The following RENBP variants were observed in gnomAD, a reference collection of about 807,000 sequenced individuals.
The protein encoded by RENBP is N-acylglucosamine 2-epimerase.
In RENBP, 16 loss-of-function variants were observed where a neutral mutation model predicts 37.8. The ratio of observed to expected loss-of-function variants is 0.42; its 90% confidence interval spans 0.29 to 0.64. The LOEUF (loss-of-function observed/expected upper bound fraction) is 0.64. RENBP is among the 30% of genes least tolerant of loss of function. RENBP has a pLI of 0.19. For synonymous variants in RENBP, 170 were observed against 154.8 expected, an observed-to-expected ratio of 1.10 and a Z score of -0.73; for missense variants, 347 against 379.5, an observed-to-expected ratio of 0.91 and a Z score of 0.71.
chrX:153,940,610 T>G (rs2065221852), intron 8 of RENBP, among the ~76,000 whole-genome samples: 1 of 111,096 alleles, frequency 9.0e-6, no homozygotes, highest in South Asian at 3.8e-4. Flanking sequence ...GGATGAGATA[T>G]GAGGTCGGCA....
At position 153,942,782 on chromosome X, in the gene RENBP, G is replaced by A. The variant is rs1470723919; in HGVS notation, c.687+73C>T. ...GAATCTCTGTCTCTCCAGGTGTGTCGAGCCCCAGGGTGCCCAGGGGAGTGG... is the reference window on the plus strand; with the variant it reads ...GAATCTCTGTCTCTCCAGGTGTGTCAAGCCCCAGGGTGCCCAGGGGAGTGG... On this transcript the variant is annotated intron_variant, in intron 6 of 10. Coordinates refer to ENST00000393700, the MANE Select transcript of RENBP (RefSeq NM_002910.6). 1.8e-5 allele frequency: 16 copies of A among 870,686 alleles called. No homozygotes were observed. In the Admixed American group the frequency reaches 2.5e-4, roughly 14 times the overall value. 71.8% of individuals were successfully genotyped at this position (870,686 alleles called of 1,213,427 possible).
chrX:153,936,421 G>T (rs1557108562), intron 9 of RENBP, among the ~76,000 whole-genome samples: 1 of 105,233 alleles, frequency 9.5e-6, no homozygotes, highest in African/African-American at 3.5e-5. Context: ...CAGGAGAATG[G>T]CGTGAACCCG....
chrX:153,941,949 C>CCA lies in RENBP; in HGVS notation c.769_769+1insTG (p.Gly257ValfsTer27). The stretch of plus-strand genomic sequence containing the variant: ...GGCCCCCAGCCCACCCCGCCCCTCA[C>CCA]CTGGGTTCTGCTGTCTCCCCAGGCA... On this transcript the variant is annotated frameshift_variant and splice_region_variant. Coordinates refer to ENST00000393700, the MANE Select transcript of RENBP (RefSeq NM_002910.6). LOFTEE classifies it high-confidence loss of function. The CCA allele has an allele frequency of 9.1e-7, 1 of 1,101,353 alleles. No homozygotes were observed. The highest frequency in any genetic ancestry group is 1.3e-6 in the Non-Finnish European group (1 of 796,790). 90.8% of individuals were successfully genotyped at this position (1,101,353 alleles called of 1,213,427 possible). A position where few individuals can be genotyped will look rare whatever the true frequency, so the allele number is the denominator to read the frequency against.
intron 5 of RENBP, among the ~76,000 whole-genome samples, 176 bp downstream of exon 5, chrX:153,943,370 G>A (rs1217577542): frequency 8.9e-6 from 1 of 112,651 alleles, no homozygotes; most frequent in Non-Finnish European, 1.9e-5. Context: ...GGCAGGGCGT[G>A]GATAGGGCCC....
chrX:153,944,251 G>T, intron 2 of RENBP, 58 bp downstream of exon 2: 1 of 1,164,694 alleles, frequency 8.6e-7, no homozygotes, highest in Non-Finnish European at 1.2e-6. Flanking sequence ...CTGAGAGTGA[G>T]AAGGGGCCTC....
chrX:153,942,544 A>T, intron 6 of RENBP: 1 of 329,047 alleles, frequency 3.0e-6, no homozygotes, highest in Non-Finnish European at 5.3e-6. Flanking sequence ...GCCCGGGCCT[A>T]GGAAGATGTA....
chrX:153,936,646 A>G (rs1259940516), intron 9 of RENBP, among the ~76,000 whole-genome samples: 1 of 110,882 alleles, frequency 9.0e-6, no homozygotes, highest in African/African-American at 3.3e-5. Context: ...TAGATGCACA[A>G]TCTCATCTGA....
intron 7 of RENBP, 64 bp downstream of exon 7, chrX:153,941,886 C>G (rs2065228124): frequency 3.0e-6 from 3 of 1,007,158 alleles, no homozygotes; most frequent in Non-Finnish European, 4.2e-6. Context: ...ATATCTGAAG[C>G]CCAGAACACA....
rs1434464499 is a variant in RENBP at position 153,944,232 on chromosome X, G to A, written c.137+77C>T. 5.1e-6 allele frequency: 6 copies of A among 1,172,341 alleles called. No individual in the cohort carries two copies. The Admixed American group carries it at 1.1e-4, about 21-fold the overall frequency. Reference sequence around the variant, plus strand: ...CTGCCCCTCTGGGGCCAGCAAATCTGTGAGGTGCCTGAGAGTGAGAAGGGG... The same window carrying A: ...CTGCCCCTCTGGGGCCAGCAAATCTATGAGGTGCCTGAGAGTGAGAAGGGG... On this transcript the variant is annotated intron_variant, in intron 2 of 10. Transcript: ENST00000393700.
intron 9 of RENBP, among the ~76,000 whole-genome samples, chrX:153,938,940 C>G (rs1320005282): frequency 1.9e-5 from 2 of 107,421 alleles, no homozygotes; most frequent in Non-Finnish European, 3.9e-5. Context: ...ATTACAGGCA[C>G]CCACCACCAC....
In RENBP at chrX:153,938,012, T is replaced by C. The variant is rs782085965; in HGVS notation, c.1077+2090A>G. On this transcript the variant is annotated intron_variant, in intron 9 of 10. Coordinates refer to ENST00000393700, the MANE Select transcript of RENBP (RefSeq NM_002910.6). Reference sequence around the variant, plus strand: ...TCCCAAAGTGCTGAGATTACAGGCATGAGCCACCATGCCCAGCCGATTTAC... The same window carrying C: ...TCCCAAAGTGCTGAGATTACAGGCACGAGCCACCATGCCCAGCCGATTTAC... Among the ~76,000 whole-genome samples, 3 of 112,930 alleles carry C rather than the reference T, an allele frequency of 2.7e-5. No homozygotes were observed. The South Asian group carries it at 1.1e-3, about 41-fold the overall frequency.
chrX:153,944,302 C>T lies in RENBP; in HGVS notation c.137+7G>A, dbSNP rs1181130436. The T allele has an allele frequency of 6.6e-6, 8 of 1,203,638 alleles. No homozygotes were observed. The South Asian group carries it at 8.8e-5, about 13-fold the overall frequency. ...CCTGCTGAGGACTCCAGAAGCACGCCGAGTACCCGTGCTCCTGGTCGTGGG... is the reference window on the plus strand; with the variant it reads ...CCTGCTGAGGACTCCAGAAGCACGCTGAGTACCCGTGCTCCTGGTCGTGGG... On this transcript the variant is annotated splice_region_variant and intron_variant, in intron 2 of 10. Transcript: ENST00000393700.
intron 8 of RENBP, among the ~76,000 whole-genome samples, chrX:153,941,074 G>T (rs1366587318): frequency 4.0e-5 from 4 of 100,521 alleles, no homozygotes; most frequent in Non-Finnish European, 6.0e-5. Context: ...GGGAAGCAGA[G>T]GTTGTGGTGA....
chrX:153,936,438 G>A (rs1252829631), intron 9 of RENBP, among the ~76,000 whole-genome samples: 2 of 104,015 alleles, frequency 1.9e-5, no homozygotes, highest in Non-Finnish European at 3.9e-5. Flanking sequence ...CCCGGGAGGC[G>A]GAGCTTGCAG....
In RENBP at chrX:153,941,930, C is replaced by CA; in HGVS notation, c.769+19dup. The stretch of plus-strand genomic sequence containing the variant: ...CGCTCCCCTCCTCCTGGGTGGCCCC[C>CA]AGCCCACCCCGCCCCTCACCTGGGT... On this transcript the variant is annotated intron_variant, in intron 7 of 10. Transcript: ENST00000393700. 1 of 781,596 alleles carries CA rather than the reference C, an allele frequency of 1.3e-6. No individual in the cohort carries two copies. Among genetic ancestry groups the CA allele is most frequent in the Non-Finnish European group, 2.0e-6 (1 of 507,293 alleles). The allele number at this position is 781,596 out of a possible 1,213,427, so 64.4% of individuals were successfully genotyped here. A position where few individuals can be genotyped will look rare whatever the true frequency, so the allele number is the denominator to read the frequency against.
rs1557109862 is a variant in RENBP, at chrX:153,942,980, G to A, written c.562C>T (p.Pro188Ser). 1.7e-6 allele frequency: 2 copies of A among 1,209,558 alleles called. No individual in the cohort carries two copies. The highest frequency in any genetic ancestry group is 3.5e-5 in the South Asian group (2 of 56,961). The stretch of plus-strand genomic sequence containing the variant: ...AGTAGCATCATGGGCACCGCCATGG[G>A]CTCCGCAGCCGGGGCCCCCTGGAGC... ...PQLQGAPAAE[P>S]MAVPMMLLNL... The change falls in exon 6 of 11, where the codon CCC (proline) becomes TCC (serine). Residue 188 changes from proline (P) to serine (S), a missense_variant. Transcript: ENST00000393700.
chrX:153,937,376 T>C (rs2148539351), intron 9 of RENBP, among the ~76,000 whole-genome samples: 1 of 111,491 alleles, frequency 9.0e-6, no homozygotes, highest in Admixed American at 9.5e-5. Context: ...TTGCCTTCTG[T>C]ATTCTGTTAT....
intron 6 of RENBP, chrX:153,942,239 T>TG (rs2065230446): frequency 1.1e-5 from 3 of 264,664 alleles, no homozygotes; most frequent in Non-Finnish European, 1.8e-5. Context: ...TGTTTTTTTT[T>TG]TTTTTTTTTT....
intron 9 of RENBP, 25 bp downstream of exon 9, chrX:153,940,077 G>GA: frequency 8.3e-7 from 1 of 1,208,987 alleles, no homozygotes; most frequent in Non-Finnish European, 1.1e-6. Flanking sequence ...TCAGCCTCTA[G>GA]AGGGGACAAG....
Sources: allele counts gnomAD v4.1 joint callset (sites outside exome capture counted in the v4.1 genomes callset), GRCh38; gene constraint gnomAD v4.1.1; transcripts MANE v1.5; gene names NCBI Gene and HGNC (gene_info 2026-07-23, HGNC 2026-07-21).